Variants in TSNARE1 observed in about 807,000 individuals in gnomAD.
The protein encoded by TSNARE1 is t-SNARE domain-containing protein 1.
A neutral mutation model predicts 62.0 loss-of-function variants in TSNARE1; 49 were observed. That is an observed-to-expected ratio of 0.79 (90% CI 0.63 to 1.00). The LOEUF is 1.00. Ranked by LOEUF, TSNARE1 falls within the 50% of genes least tolerant of loss-of-function variation. The probability of loss-of-function intolerance (pLI) is 0.00; values close to 1 mark genes in which losing one functional copy is unlikely to be tolerated. For missense variants in TSNARE1, 755 were observed against 700.1 expected (o/e 1.08, Z -0.88); for synonymous variants, 328 against 294.4 (o/e 1.11, Z -1.17).
chr8:142,254,924 A>C (rs571071620), intron 12 of TSNARE1, among the ~76,000 whole-genome samples: 49 of 152,260 alleles, frequency 3.2e-4, no homozygotes, highest in African/African-American at 1.1e-3. Flanking sequence ...TCCCTGGGCC[A>C]GGCCCCTCCA....
At chr8:142,311,089 A>T (rs1163976416) in intron 9 of TSNARE1, among the ~76,000 whole-genome samples, 1 of 151,508 alleles carries the variant, frequency 6.6e-6, no homozygotes, top group Admixed American at 6.6e-5. Context: ...ACCTCAAGTG[A>T]TCCACCTGCC....
chr8:142,360,700 C>T (rs776022678), intron 1 of TSNARE1, among the ~76,000 whole-genome samples: 5 of 152,246 alleles, frequency 3.3e-5, no homozygotes, highest in Middle Eastern at 3.4e-3. Flanking sequence ...CCGGGGGAAG[C>T]GGCGGTGCCA....
rs1833286018 is a variant in TSNARE1 at position 142,345,843 on chromosome 8, C to CGGGCA, written c.133_137dup (p.Ser47AlafsTer96). The stretch of plus-strand genomic sequence containing the variant: ...GGTTCTGCAGCTTGCTCTCTGGCGA[C>CGGGCA]GGGCAGGGGAAATGGCGGATTCCAT... On this transcript the variant is annotated frameshift_variant, in exon 3 of 14. Transcript: ENST00000524325. LOFTEE classifies it high-confidence loss of function. 6.2e-7 allele frequency: 1 copy of CGGGCA among 1,613,856 alleles called. No homozygotes were observed. Among genetic ancestry groups the CGGGCA allele is most frequent in the African/African-American group, 1.3e-5 (1 of 74,918 alleles).
rs1835337506 is a variant in TSNARE1, at chr8:142,363,832, AAGAGACCGGGATAC to A, written c.-39-9083_-39-9070del. Among the ~76,000 whole-genome samples the A allele has an allele frequency of 3.3e-5, 5 of 152,258 alleles. No individual in the cohort carries two copies. The South Asian group carries it at 1.0e-3, about 32-fold the overall frequency. On this transcript the variant is annotated intron_variant, in intron 1 of 13. Transcript: ENST00000524325. ...GGGTGAAGACCACGCACGCCCTCGC[AAGAGACCGGGATAC>A]CCAATAGATGGTGCCTTGCGTCTGG...
At chr8:142,370,719 CAAAG>C (rs1835858492) in intron 1 of TSNARE1, among the ~76,000 whole-genome samples, 9 of 151,634 alleles carry the variant, frequency 5.9e-5, no homozygotes, top group Admixed American at 4.6e-4. Flanking sequence ...TTGAAGCTGA[CAAAG>C]AAAGAATACA....
At chr8:142,372,170 T>C (rs1362446442) in intron 1 of TSNARE1, among the ~76,000 whole-genome samples, 10 of 152,106 alleles carry the variant, frequency 6.6e-5, no homozygotes, top group Non-Finnish European at 1.5e-4. Context: ...GGATCTGATC[T>C]CAGGGGAGAG....
At chr8:142,363,817 C>T (rs768957718) in intron 1 of TSNARE1, among the ~76,000 whole-genome samples, 1 of 152,112 alleles carries the variant, frequency 6.6e-6, no homozygotes, top group Non-Finnish European at 1.5e-5. Context: ...GGGTGAAGAC[C>T]ACGCACGCCC....
chr8:142,378,362 A>AT (rs1383068554), intron 1 of TSNARE1, among the ~76,000 whole-genome samples: 1 of 152,214 alleles, frequency 6.6e-6, no homozygotes, highest in Middle Eastern at 3.2e-3. Context: ...TCAGAAAGGC[A>AT]TGGGAGGGGC....
chr8:142,247,637 G>C (rs1172209889), intron 12 of TSNARE1: 1 of 152,194 alleles, frequency 6.6e-6, no homozygotes, highest in Non-Finnish European at 1.5e-5. Context: ...GCTATTCGCA[G>C]GTGCAATCCC....
chr8:142,246,926 G>A (rs979703185), intron 12 of TSNARE1, among the ~76,000 whole-genome samples: 2 of 152,238 alleles, frequency 1.3e-5, no homozygotes, highest in Admixed American at 1.3e-4. Flanking sequence ...CCATCTGAAA[G>A]TGACCACAGC....
intron 4 of TSNARE1, among the ~76,000 whole-genome samples, chr8:142,333,663 C>T (rs1475057592): frequency 2.0e-5 from 3 of 152,172 alleles, no homozygotes; most frequent in Non-Finnish European, 2.9e-5. Flanking sequence ...CTGACCCTGG[C>T]ACTCCATCTG....
In TSNARE1 at chr8:142,314,445, T is replaced by G. The variant is rs1334981123; in HGVS notation, c.1075-5A>C. The G allele has an allele frequency of 1.2e-6, 2 of 1,613,244 alleles. No homozygotes were observed. Among genetic ancestry groups the G allele is most frequent in the Admixed American group, 1.7e-5 (1 of 59,888 alleles). On this transcript the variant is annotated splice_region_variant and splice_polypyrimidine_tract_variant and intron_variant, in intron 8 of 13. Transcript: ENST00000524325. ...TCTGGACTTTTCTGCAATTTTCTGT[T>G]GAAAAAAGGACAAGAGAAGAAAGAC... is the stretch of plus-strand genomic sequence containing the variant.
intron 4 of TSNARE1, among the ~76,000 whole-genome samples, chr8:142,335,427 C>A (rs1018966629): frequency 6.6e-6 from 1 of 152,114 alleles, no homozygotes; most frequent in Non-Finnish European, 1.5e-5. Flanking sequence ...TCCTGTGTGG[C>A]CGATCCACCA....
intron 12 of TSNARE1, among the ~76,000 whole-genome samples, chr8:142,256,145 CCA>C (rs1221968121): frequency 1.9e-4 from 25 of 132,616 alleles, no homozygotes; most frequent in Non-Finnish European, 3.1e-4. Flanking sequence ...GTCACCACCA[CCA>C]CCACTGTCAC....
At chr8:142,403,382 T>TCAGTTTCC (rs145936558), upstream of TSNARE1, 1 of 151,618 alleles carries the variant, frequency 6.6e-6, no homozygotes, top group African/African-American at 2.4e-5. Context: ...GTGGTGGGCC[T>TCAGTTTCC]CCGTTTCCCC....
intron 12 of TSNARE1, among the ~76,000 whole-genome samples, chr8:142,254,666 G>C (rs73716180): frequency 2.6e-5 from 4 of 152,268 alleles, no homozygotes; most frequent in East Asian, 3.9e-4. Context: ...TATGGGGAAG[G>C]CGGGGCATCA....
rs935009367 is a variant in TSNARE1 at position 142,343,911 on chromosome 8, C to G, written c.745+55G>C. On this transcript the variant is annotated intron_variant, in intron 4 of 13. Coordinates refer to ENST00000524325, the MANE Select transcript of TSNARE1 (RefSeq NM_145003.5). ...GGCAACATGGCCAAGATGGGCCCCC[C>G]CCTCCTGCTGGACAGAGTGGCACCC... 6.9e-6 allele frequency: 10 copies of G among 1,439,238 alleles called. No individual in the cohort carries two copies. The East Asian group carries it at 2.1e-4, about 30-fold the overall frequency. 89.2% of individuals were successfully genotyped at this position (1,439,238 alleles called of 1,614,324 possible).
intron 1 of TSNARE1, among the ~76,000 whole-genome samples, chr8:142,388,550 C>CTTTTT (rs71313221): frequency 3.4e-4 from 23 of 67,410 alleles, no homozygotes; most frequent in East Asian, 4.9e-4. Flanking sequence ...AAAACAAAAT[C>CTTTTT]TTTTTTTTTT....
intron 11 of TSNARE1, chr8:142,275,787 C>T (rs1820378550): frequency 1.0e-6 from 1 of 985,036 alleles, no homozygotes. Context: ...ACTTGAGCCT[C>T]AGGGGTCTTA....
Sources: gnomAD v4.1 joint callset for allele counts (sites outside exome capture counted in the v4.1 genomes callset) on GRCh38, gnomAD v4.1.1 for gene constraint, MANE v1.5 for transcripts, NCBI Gene and HGNC (gene_info 2026-07-23, HGNC 2026-07-21) for gene names.